EPHA5: variants seen among roughly 807,000 people sequenced by gnomAD.
The protein encoded by EPHA5 is EPH receptor A5, also known as ephrin type-A receptor 5.
A neutral mutation model predicts 105.0 loss-of-function variants in EPHA5; 60 were observed. The observed-to-expected ratio is 0.57, with a 90% confidence interval of 0.46 to 0.71. The LOEUF (loss-of-function observed/expected upper bound fraction) is 0.71. Among genes scored for constraint, EPHA5 ranks in the 30% least tolerant of loss-of-function variants. The pLI is 0.00. For synonymous variants in EPHA5, 513 were observed against 449.1 expected (o/e 1.14, Z -1.80); for missense variants, 1,218 against 1,274.7 (o/e 0.96, Z 0.68).
intron 5 of EPHA5, among the ~76,000 whole-genome samples, chr4:65,422,498 G>A (rs7678554): frequency 0.89 from 135,882 of 152,122 alleles, 62,004 homozygotes; most frequent in East Asian, 1. Context: ...ATGACTTAGA[G>A]CATTTATGCT....
chr4:65,410,543 C>T (rs1012104704), intron 7 of EPHA5, among the ~76,000 whole-genome samples: 7 of 151,978 alleles, frequency 4.6e-5, no homozygotes, highest in Admixed American at 2.6e-4. Context: ...GACCAAATGG[C>T]GTAGAATCTA....
At chr4:65,433,609 A>C (rs765367127) in intron 5 of EPHA5, among the ~76,000 whole-genome samples, 1 of 152,178 alleles carries the variant, frequency 6.6e-6, no homozygotes, top group Non-Finnish European at 1.5e-5. Flanking sequence ...AACAACACAG[A>C]TCTATTATCT....
At chr4:65,468,596 A>C (rs1728964880) in intron 5 of EPHA5, among the ~76,000 whole-genome samples, 2 of 7,900 alleles carry the variant, frequency 2.5e-4, no homozygotes, top group South Asian at 0.015. Flanking sequence ...TATATATAAT[A>C]TATATATTAT....
At position 65,433,071 on chromosome 4, in the gene EPHA5, C is replaced by T. The variant is rs148737053; in HGVS notation, c.1403-12506G>A. ...GATCTATGCAAAACACTCGCTAATG[C>T]AAAACATTACATACAGGTTATTAAG... On this transcript the variant is annotated intron_variant, in intron 5 of 16. Transcript: ENST00000613740. Among the ~76,000 whole-genome samples the T allele has an allele frequency of 5.0e-3, 761 of 152,110 alleles. 4 individuals are homozygous for T. The highest frequency in any genetic ancestry group is 0.017 in the African/African-American group (713 of 41,512).
At chr4:65,451,037 C>T (rs1021652442) in intron 5 of EPHA5, among the ~76,000 whole-genome samples, 1 of 152,108 alleles carries the variant, frequency 6.6e-6, no homozygotes, top group African/African-American at 2.4e-5. Context: ...TTCTTCAATA[C>T]AGACCTTCTA....
At chr4:65,633,150 AG>A (rs2149494353) in intron 2 of EPHA5, among the ~76,000 whole-genome samples, 1 of 152,198 alleles carries the variant, frequency 6.6e-6, no homozygotes, top group Non-Finnish European at 1.5e-5. Flanking sequence ...GAATAGCAAA[AG>A]CCTCAAAAAA....
chr4:65,395,389 A>G (rs35499406), intron 8 of EPHA5, among the ~76,000 whole-genome samples: 3 of 152,322 alleles, frequency 2.0e-5, no homozygotes, highest in African/African-American at 7.2e-5. Flanking sequence ...GTGTCCAAAA[A>G]TGTTTGTAAT....
chr4:65,444,804 C>T (rs1726355480), intron 5 of EPHA5, among the ~76,000 whole-genome samples: 1 of 151,928 alleles, frequency 6.6e-6, no homozygotes, highest in Non-Finnish European at 1.5e-5. Context: ...ATGCCTTTTG[C>T]TTGGTTGCTT....
chr4:65,623,247 C>T (rs988532338), intron 2 of EPHA5, among the ~76,000 whole-genome samples: 31 of 152,072 alleles, frequency 2.0e-4, no homozygotes, highest in African/African-American at 5.3e-4. Context: ...ACGGGGATCA[C>T]ATTAAAAATT....
intron 7 of EPHA5, among the ~76,000 whole-genome samples, chr4:65,405,974 TTG>T (rs1165863120): frequency 1.3e-5 from 2 of 152,158 alleles, no homozygotes; most frequent in Non-Finnish European, 2.9e-5. Flanking sequence ...TCAATGTTAC[TTG>T]AGTGAGCTGC....
At chr4:65,648,483 T>C (rs574106674) in intron 1 of EPHA5, among the ~76,000 whole-genome samples, 2 of 152,364 alleles carry the variant, frequency 1.3e-5, no homozygotes, top group South Asian at 4.1e-4. Context: ...TGTGTGATCC[T>C]TGATGACATG....
chr4:65,597,910 G>A (rs926950967), intron 3 of EPHA5, among the ~76,000 whole-genome samples: 1 of 151,952 alleles, frequency 6.6e-6, no homozygotes, highest in Non-Finnish European at 1.5e-5. Flanking sequence ...AATCTTGAAG[G>A]TTTAGTTTGT....
chr4:65,509,778 C>A (rs2149257875), intron 3 of EPHA5, among the ~76,000 whole-genome samples: 1 of 152,254 alleles, frequency 6.6e-6, no homozygotes, highest in Middle Eastern at 3.4e-3. Flanking sequence ...AAATTCTACA[C>A]TGATTCAGAT....
intron 2 of EPHA5, among the ~76,000 whole-genome samples, chr4:65,640,891 A>T (rs574171124): frequency 2.0e-5 from 3 of 152,264 alleles, no homozygotes; most frequent in South Asian, 2.1e-4. Flanking sequence ...TTTTAAAATC[A>T]ATGTGGACAT....
At chr4:65,526,403 C>T (rs1450479682) in intron 3 of EPHA5, among the ~76,000 whole-genome samples, 1 of 151,554 alleles carries the variant, frequency 6.6e-6, no homozygotes, top group Admixed American at 6.6e-5. Context: ...GTTCCAGCCT[C>T]ATATATAAAA....
At chr4:65,557,894 T>G (rs1198972694) in intron 3 of EPHA5, among the ~76,000 whole-genome samples, 2 of 152,138 alleles carry the variant, frequency 1.3e-5, no homozygotes, top group Non-Finnish European at 2.9e-5. Context: ...TTTTTTTTTT[T>G]TTAGACGGAG....
chr4:65,558,075 C>A (rs542338944), intron 3 of EPHA5, among the ~76,000 whole-genome samples: 8 of 151,998 alleles, frequency 5.3e-5, no homozygotes, highest in African/African-American at 1.7e-4. Context: ...CAGGGATTCA[C>A]CATGTTGGCC....
chr4:65,435,801 G>T (rs957530588), intron 5 of EPHA5, among the ~76,000 whole-genome samples: 11 of 146,066 alleles, frequency 7.5e-5, no homozygotes, highest in Admixed American at 2.1e-4. Flanking sequence ...AAAACATTCT[G>T]CAAGCATAGA....
At chr4:65,333,477 C>T (rs1454484161) in intron 15 of EPHA5, among the ~76,000 whole-genome samples, 8 of 151,322 alleles carry the variant, frequency 5.3e-5, no homozygotes, top group Non-Finnish European at 1.2e-4. Flanking sequence ...CTCTTGAAAT[C>T]TTACTCTGTC....
Sources: gnomAD v4.1 joint callset for allele counts (sites outside exome capture counted in the v4.1 genomes callset) on GRCh38, gnomAD v4.1.1 for gene constraint, MANE v1.5 for transcripts, NCBI Gene and HGNC (gene_info 2026-07-23, HGNC 2026-07-21) for gene names.